Variants in ABCC1 observed in about 807,000 individuals in gnomAD.
The protein encoded by ABCC1 is multidrug resistance-associated protein 1.
In ABCC1, 83 loss-of-function variants were observed where a neutral mutation model predicts 172.9. That is an observed-to-expected ratio of 0.48 (90% CI 0.40 to 0.58). ABCC1 has a LOEUF of 0.58. Among genes scored for constraint, ABCC1 ranks in the 20% least tolerant of loss-of-function variants. ABCC1 has a pLI of 0.00. For missense variants in ABCC1, 1,817 were observed against 2,002.7 expected (o/e 0.91, Z 1.77); for synonymous variants, 937 against 825.2 (o/e 1.14, Z -2.32).
rs150885815 is a variant in ABCC1 at position 16,124,337 on chromosome 16, G to GTGTGTGTGTGTGTGTGTGTGTGTGTA, written c.3591-440_3591-439insTGTGTGTGTGTGTATGTGTGTGTGTG. On this transcript the variant is annotated intron_variant, in intron 24 of 30. Transcript: ENST00000399410. ...GCACTGTGTGTGTGTGTGTGTGTGT[G>GTGTGTGTGTGTGTGTGTGTGTGTGTA]TGTGTGTGTGTGATTATAGGAGTGA... Among the ~76,000 whole-genome samples the GTGTGTGTGTGTGTGTGTGTGTGTGTA allele has an allele frequency of 8.8e-4, 108 of 122,880 alleles. 2 individuals are homozygous for GTGTGTGTGTGTGTGTGTGTGTGTGTA. The highest frequency in any genetic ancestry group is 3.4e-3 in the African/African-American group (104 of 30,952). 80.6% of individuals were successfully genotyped at this position (122,880 alleles called of 152,430 possible).
chr16:15,960,218 C>G (rs1328337391), intron 1 of ABCC1, among the ~76,000 whole-genome samples: 5 of 152,052 alleles, frequency 3.3e-5, no homozygotes, highest in Non-Finnish European at 5.9e-5. Context: ...GTAGCTGGGA[C>G]TACAGGCATG....
At chr16:16,026,713 C>G (rs576900502) in intron 5 of ABCC1, among the ~76,000 whole-genome samples, 2 of 151,480 alleles carry the variant, frequency 1.3e-5, no homozygotes, top group Non-Finnish European at 2.9e-5. Context: ...GTCAGGAGTT[C>G]GAGACCAGCC....
intron 5 of ABCC1, among the ~76,000 whole-genome samples, chr16:16,030,055 C>T (rs950844939): frequency 1.6e-4 from 24 of 152,136 alleles, no homozygotes; most frequent in African/African-American, 5.6e-4. Flanking sequence ...GAATAAATGA[C>T]TGTTTTCCTC....
At position 16,016,549 on chromosome 16, in the gene ABCC1, C is replaced by T. The variant is rs373589044; in HGVS notation, c.543C>T (p.Leu181=). The T allele has an allele frequency of 3.3e-5, 54 of 1,614,042 alleles. No homozygotes were observed. The highest frequency in any genetic ancestry group is 4.2e-5 in the Non-Finnish European group (49 of 1,180,016). Reference sequence around the variant, plus strand: ...TCACTTTCTACGTCTACTTTTCCCTCTTACTCATTCAGCTCGTCTTGTCCT... The same window carrying T: ...TCACTTTCTACGTCTACTTTTCCCTTTTACTCATTCAGCTCGTCTTGTCCT... ...RDITFYVYFS[L]LLIQLVLSCF... Residue 181 remains leucine (L), a synonymous_variant, in exon 5 of 31, where the codon CTC becomes CTT. Transcript: ENST00000399410.
intron 1 of ABCC1, among the ~76,000 whole-genome samples, chr16:15,953,443 G>A (rs929974883): frequency 2.6e-5 from 4 of 152,150 alleles, no homozygotes; most frequent in East Asian, 3.8e-4. Flanking sequence ...GAGCAAATTC[G>A]CCTCTGCTGC....
At chr16:16,134,628 T>TA in intron 28 of ABCC1, 120 bp downstream of exon 28, 1 of 36,878 alleles carries the variant, frequency 2.7e-5, no homozygotes, top group South Asian at 1.7e-3. Flanking sequence ...CATCGTTCTT[T>TA]TTTTTTTTTT....
At chr16:15,985,491 C>T (rs1302206927) in intron 1 of ABCC1, among the ~76,000 whole-genome samples, 7 of 151,920 alleles carry the variant, frequency 4.6e-5, no homozygotes, top group Admixed American at 6.6e-5. Context: ...GTTGCCCAGG[C>T]TGGAGTGCAA....
At chr16:16,022,887 A>G (rs1255901177) in intron 5 of ABCC1, among the ~76,000 whole-genome samples, 3 of 151,808 alleles carry the variant, frequency 2.0e-5, no homozygotes, top group Non-Finnish European at 4.4e-5. Context: ...CAGATAGCTA[A>G]TCAGCCAGCC....
At chr16:15,976,462 C>A (rs2046493713) in intron 1 of ABCC1, among the ~76,000 whole-genome samples, 1 of 152,054 alleles carries the variant, frequency 6.6e-6, no homozygotes, top group African/African-American at 2.4e-5. Context: ...TGAAGTCACC[C>A]AGCTAGTAAA....
At chr16:15,976,429 T>G (rs1442526843) in intron 1 of ABCC1, among the ~76,000 whole-genome samples, 2 of 151,962 alleles carry the variant, frequency 1.3e-5, no homozygotes, top group African/African-American at 4.8e-5. Flanking sequence ...ACCTTATGGG[T>G]GGGGAAAGGA....
rs2045684483 is a variant in ABCC1, at chr16:16,131,794, C to G, written c.3825C>G (p.Pro1275=). The part of the protein sequence containing the change: ...KEYSETEKEA[P]WQIQETAPPS... Reference sequence around the variant, plus strand: ...TCCCTTCACTGCGATCGAAGGCGCCCTGGCAAATCCAGGAGACAGCTCCGC... The same window carrying G: ...TCCCTTCACTGCGATCGAAGGCGCCGTGGCAAATCCAGGAGACAGCTCCGC... Residue 1275 remains proline, a synonymous_variant, in exon 27 of 31, where the codon CCC becomes CCG. Transcript: ENST00000399410. 4 of 1,613,296 alleles carry G rather than the reference C, an allele frequency of 2.5e-6. No homozygotes were observed. In the Admixed American group the frequency reaches 6.7e-5, roughly 27 times the overall value.
intron 16 of ABCC1, among the ~76,000 whole-genome samples, chr16:16,082,840 A>G (rs1010755775): frequency 6.6e-6 from 1 of 151,612 alleles, no homozygotes; most frequent in African/African-American, 2.4e-5. Context: ...TAGAGATGGG[A>G]TTTCTCTATG....
chr16:15,954,708 G>A (rs1266614985), intron 1 of ABCC1, among the ~76,000 whole-genome samples: 1 of 152,146 alleles, frequency 6.6e-6, no homozygotes, highest in Non-Finnish European at 1.5e-5. Flanking sequence ...AGACTCTCCT[G>A]AAGGGTCGTG....
chr16:16,026,697 G>T (rs2048387690), intron 5 of ABCC1, among the ~76,000 whole-genome samples: 1 of 151,118 alleles, frequency 6.6e-6, no homozygotes, highest in African/African-American at 2.4e-5. Flanking sequence ...AGGCGGATCA[G>T]TTGAGGTCAG....
chr16:16,039,204 A>G (rs1045633698), intron 7 of ABCC1, among the ~76,000 whole-genome samples: 1 of 138,882 alleles, frequency 7.2e-6, no homozygotes, highest in Non-Finnish European at 1.5e-5. Context: ...TAACCGAGGA[A>G]GCTTTTGTGT....
At chr16:16,028,823 C>G (rs561930821) in intron 5 of ABCC1, among the ~76,000 whole-genome samples, 1 of 152,218 alleles carries the variant, frequency 6.6e-6, no homozygotes, top group South Asian at 2.1e-4. Flanking sequence ...AGGGACTTGC[C>G]CAAGGTCATC....
At position 16,122,057 on chromosome 16, in the gene ABCC1, C is replaced by A; in HGVS notation, c.3473C>A (p.Thr1158Asn). Residue 1158 changes from threonine to asparagine, a missense_variant, in exon 24 of 31, where the codon ACC (threonine) becomes AAC (asparagine). Physicochemically the swap from Thr to Asn is moderately conservative, Grantham distance 65 (BLOSUM62 0). Transcript: ENST00000399410. ...CCGGTCTATTCCCATTTCAACGAGACCTTGCTGGGGGTCAGCGTCATTCGA... is the reference window on the plus strand; with the variant it reads ...CCGGTCTATTCCCATTTCAACGAGAACTTGCTGGGGGTCAGCGTCATTCGA... ...RSPVYSHFNE[T>N]LLGVSVIRAF... is the part of the protein sequence containing the mutation. 1 of 1,614,216 alleles carries A rather than the reference C, an allele frequency of 6.2e-7. No homozygotes were observed. The highest frequency in any genetic ancestry group is 1.6e-4 in the Middle Eastern group (1 of 6,062).
intron 1 of ABCC1, among the ~76,000 whole-genome samples, chr16:16,006,966 G>C (rs1445982538): frequency 6.6e-6 from 1 of 151,980 alleles, no homozygotes; most frequent in African/African-American, 2.4e-5. Context: ...GGTGGTGATG[G>C]TCATAGTGGG....
At chr16:16,088,714 C>CT (rs66796021) in intron 18 of ABCC1, among the ~76,000 whole-genome samples, 45,866 of 146,856 alleles carry the variant, frequency 0.31, 7,328 homozygotes, top group African/African-American at 0.44. Flanking sequence ...TATTTTTTTT[C>CT]TTTTTTTTTC....
Sources: allele counts gnomAD v4.1 joint callset (sites outside exome capture counted in the v4.1 genomes callset), GRCh38; gene constraint gnomAD v4.1.1; transcripts MANE v1.5; gene names NCBI Gene and HGNC (gene_info 2026-07-23, HGNC 2026-07-21).